RBFOX1: variants seen among roughly 807,000 people sequenced by gnomAD.
RBFOX1 encodes RNA binding fox-1 homolog 1, also known as RNA binding protein fox-1 homolog 1.
In RBFOX1, 8 loss-of-function variants were observed where a neutral mutation model predicts 57.7. The ratio of observed to expected loss-of-function variants is 0.14; its 90% CI spans 0.08 to 0.25. RBFOX1 has a LOEUF of 0.25. Among genes scored for constraint, RBFOX1 ranks in the 10% least tolerant of loss-of-function variants. The pLI is 1.00. For missense variants in RBFOX1, 611 were observed against 548.5 expected, an observed-to-expected ratio of 1.11 and a Z score of -1.14; for synonymous variants, 326 against 222.4, an observed-to-expected ratio of 1.47 and a Z score of -4.15.
rs141185754 is a variant in RBFOX1 at position 5,681,654 on chromosome 16, A to T, written c.318+82693A>T. Among the ~76,000 whole-genome samples, 1,281 of 152,046 alleles carry T rather than the reference A, an allele frequency of 8.4e-3. 14 individuals are homozygous for T. The highest frequency in any genetic ancestry group is 0.029 in the African/African-American group (1,185 of 41,464). On this transcript the variant is annotated intron_variant, in intron 3 of 19. Transcript: ENST00000641259. The stretch of plus-strand genomic sequence containing the variant: ...GTGATCCACCCACCTCAGCCTCCCA[A>T]GGTGCTGGGATTACAAGCTTGAGCC...
chr16:7,602,617 GAGTCAC>G (rs1280897061), intron 9 of RBFOX1, among the ~76,000 whole-genome samples: 3 of 152,294 alleles, frequency 2.0e-5, no homozygotes, highest in Non-Finnish European at 4.4e-5. Context: ...GTACGAGGAG[GAGTCAC>G]AGGGAATGTG....
intron 1 of RBFOX1, among the ~76,000 whole-genome samples, chr16:6,135,411 C>T (rs894433858): frequency 2.0e-5 from 3 of 152,040 alleles, no homozygotes; most frequent in African/African-American, 7.2e-5. Flanking sequence ...TTACATTTTG[C>T]ATTTAGCTTG....
At chr16:5,918,265 A>C (rs950707590) in intron 4 of RBFOX1, among the ~76,000 whole-genome samples, 15 of 152,132 alleles carry the variant, frequency 9.9e-5, no homozygotes, top group Admixed American at 9.2e-4. Context: ...GACTACAGGC[A>C]GCTGCCACCA....
At chr16:7,640,473 G>C (rs558883677) in intron 11 of RBFOX1, among the ~76,000 whole-genome samples, 44 of 152,284 alleles carry the variant, frequency 2.9e-4, no homozygotes, top group African/African-American at 9.4e-4. Context: ...TATTTGTCTT[G>C]ATATTTCTTT....
intron 1 of RBFOX1, among the ~76,000 whole-genome samples, chr16:6,292,845 T>G (rs1224015377): frequency 6.6e-6 from 1 of 152,184 alleles, no homozygotes; most frequent in African/African-American, 2.4e-5. Flanking sequence ...TCTGAGCACT[T>G]CCGTTTTCTA....
At chr16:5,351,623 C>T (rs568167571) in intron 1 of RBFOX1, among the ~76,000 whole-genome samples, 11 of 152,242 alleles carry the variant, frequency 7.2e-5, no homozygotes, top group South Asian at 6.2e-4. Flanking sequence ...CTATGGAGAC[C>T]GCATGCAATG....
intron 4 of RBFOX1, among the ~76,000 whole-genome samples, chr16:7,425,343 CT>C (rs1428189435): frequency 6.6e-6 from 1 of 152,120 alleles, no homozygotes; most frequent in Non-Finnish European, 1.5e-5. Flanking sequence ...GTTGAGTTGA[CT>C]TTTACCTACG....
intron 14 of RBFOX1, among the ~76,000 whole-genome samples, chr16:7,708,114 A>G (rs1369539977): frequency 1.3e-5 from 2 of 152,164 alleles, no homozygotes; most frequent in Admixed American, 1.3e-4. Flanking sequence ...TGAGGCTGGT[A>G]GACTACTTGA....
At chr16:7,688,437 T>C (rs1284939708) in intron 14 of RBFOX1, among the ~76,000 whole-genome samples, 2 of 152,016 alleles carry the variant, frequency 1.3e-5, no homozygotes, top group Non-Finnish European at 2.9e-5. Context: ...GACAGTATTA[T>C]TTGCTATGGG....
At chr16:5,787,611 A>C (rs528334783) in intron 3 of RBFOX1, among the ~76,000 whole-genome samples, 1 of 152,338 alleles carries the variant, frequency 6.6e-6, no homozygotes, top group South Asian at 2.1e-4. Flanking sequence ...AATGCTGAAG[A>C]GGAGGAATGT....
At chr16:7,164,018 C>T (rs1011989597) in intron 4 of RBFOX1, among the ~76,000 whole-genome samples, 2 of 152,036 alleles carry the variant, frequency 1.3e-5, no homozygotes, top group Non-Finnish European at 1.5e-5. Context: ...TTTGGTTACA[C>T]GAATAAGTTC....
At chr16:5,604,792 G>A (rs993984856), downstream of RBFOX1, among the ~76,000 whole-genome samples, 3 of 151,972 alleles carry the variant, frequency 2.0e-5, no homozygotes, top group African/African-American at 7.3e-5. Context: ...GGGCTCATGG[G>A]CCCCCCGGGA....
At chr16:6,968,127 C>G (rs1271480778) in intron 3 of RBFOX1, among the ~76,000 whole-genome samples, 1 of 152,150 alleles carries the variant, frequency 6.6e-6, no homozygotes, top group Non-Finnish European at 1.5e-5. Flanking sequence ...CAACCCCGCA[C>G]AGACACCACC....
At chr16:7,557,830 T>G (rs1337811794) in intron 5 of RBFOX1, among the ~76,000 whole-genome samples, 4 of 151,794 alleles carry the variant, frequency 2.6e-5, no homozygotes, top group Non-Finnish European at 5.9e-5. Flanking sequence ...TCTGAAGCAT[T>G]TGCCAATTTC....
intron 4 of RBFOX1, among the ~76,000 whole-genome samples, chr16:7,325,424 G>C (rs908558084): frequency 6.6e-6 from 1 of 152,192 alleles, no homozygotes; most frequent in Non-Finnish European, 1.5e-5. Context: ...CTTGCAACAA[G>C]GGAGCCAGGC....
intron 4 of RBFOX1, among the ~76,000 whole-genome samples, chr16:7,300,413 C>T (rs917183841): frequency 2.0e-5 from 3 of 152,194 alleles, no homozygotes; most frequent in Admixed American, 6.5e-5. Flanking sequence ...TCTAAAGATA[C>T]TTTCATGCTC....
chr16:5,272,844 G>A (rs1015305514), intron 1 of RBFOX1, among the ~76,000 whole-genome samples: 16 of 152,124 alleles, frequency 1.1e-4, no homozygotes, highest in Non-Finnish European at 1.8e-4. Flanking sequence ...TCTCTGCAAC[G>A]AATCCCAAAA....
At position 6,444,412 on chromosome 16, in the gene RBFOX1, C is replaced by T. The variant is rs184337531; in HGVS notation, c.-64+127355C>T. Among the ~76,000 whole-genome samples, 421 of 152,152 alleles carry T rather than the reference C, an allele frequency of 2.8e-3. 2 individuals are homozygous for T. The highest frequency in any genetic ancestry group is 6.8e-3 in the Middle Eastern group (2 of 294). On this transcript the variant is annotated intron_variant, in intron 2 of 15. Transcript: ENST00000550418. ...TTCCTACGGGTCATGGGAGGGAACC[C>T]GTGGGAGGGAATTGAATCATGGGAG...
chr16:6,104,966 A>G (rs1167023620), intron 1 of RBFOX1, among the ~76,000 whole-genome samples: 1 of 152,204 alleles, frequency 6.6e-6, no homozygotes, highest in East Asian at 1.9e-4. Context: ...TGAACTACTC[A>G]CATGCCTTGG....
Sources: allele counts gnomAD v4.1 joint callset (sites outside exome capture counted in the v4.1 genomes callset), GRCh38; gene constraint gnomAD v4.1.1; transcripts MANE v1.5; gene names NCBI Gene and HGNC (gene_info 2026-07-23, HGNC 2026-07-21).